INPP4B: variants seen among roughly 807,000 people sequenced by gnomAD.
The protein encoded by INPP4B is inositol polyphosphate 4-phosphatase type II.
INPP4B carries 55 observed loss-of-function variants against 122.5 expected under a neutral mutation model. The observed-to-expected ratio is 0.45, with a 90% CI of 0.36 to 0.56. INPP4B has a LOEUF of 0.56. Among genes scored for constraint, INPP4B ranks in the 20% least tolerant of loss-of-function variants. The probability of loss-of-function intolerance (pLI) is 0.00; values close to 1 mark genes in which losing one functional copy is unlikely to be tolerated. For missense variants in INPP4B, 1,000 were observed against 1,097.7 expected (o/e 0.91, Z 1.26); for synonymous variants, 403 against 388.7 (o/e 1.04, Z -0.43).
At chr4:142,277,463 C>T (rs1749080268) in intron 9 of INPP4B, among the ~76,000 whole-genome samples, 1 of 151,808 alleles carries the variant, frequency 6.6e-6, no homozygotes, top group African/African-American at 2.4e-5. Context: ...AGTATAACCA[C>T]TATGGAAAAC....
chr4:142,568,255 C>G (rs749222043), intron 2 of INPP4B, among the ~76,000 whole-genome samples: 1 of 151,428 alleles, frequency 6.6e-6, no homozygotes, highest in Non-Finnish European at 1.5e-5. Context: ...TCGTTTCTTT[C>G]GTTTTCAAGG....
intron 2 of INPP4B, among the ~76,000 whole-genome samples, chr4:142,557,976 T>C (rs1035580042): frequency 3.9e-5 from 6 of 152,228 alleles, no homozygotes; most frequent in Non-Finnish European, 8.8e-5. Flanking sequence ...CTAAACTCTG[T>C]TTTGACCTCA....
chr4:142,317,523 G>T, intron 7 of INPP4B: 2 of 239,222 alleles, frequency 8.4e-6, no homozygotes, highest in Admixed American at 4.2e-5. Context: ...TGTCCTGGTT[G>T]TCCCTCCACT....
chr4:142,407,525 A>G lies in INPP4B; in HGVS notation c.137-2201T>C, dbSNP rs1051331187. Among the ~76,000 whole-genome samples the G allele has an allele frequency of 2.0e-5, 3 of 152,252 alleles. No homozygotes were observed. The East Asian group carries it at 5.8e-4, about 29-fold the overall frequency. ...CTATTACACTGAAATGTTCTGTCCA[A>G]CCCAATTTGCACATTCCCTAATACT... On this transcript the variant is annotated intron_variant, in intron 5 of 25. Transcript: ENST00000262992.
chr4:142,578,147 T>C (rs557585510), intron 2 of INPP4B, among the ~76,000 whole-genome samples: 3 of 152,066 alleles, frequency 2.0e-5, no homozygotes, highest in Admixed American at 6.6e-5. Flanking sequence ...GTTTATTTTG[T>C]GAATGACACA....
intron 3 of INPP4B, among the ~76,000 whole-genome samples, chr4:142,457,373 A>G (rs1442191748): frequency 6.6e-6 from 1 of 152,162 alleles, no homozygotes; most frequent in Non-Finnish European, 1.5e-5. Flanking sequence ...AATATCTGCA[A>G]AACTTATATG....
At chr4:142,631,038 C>T (rs1305563531) in intron 2 of INPP4B, among the ~76,000 whole-genome samples, 1 of 151,958 alleles carries the variant, frequency 6.6e-6, no homozygotes, top group African/African-American at 2.4e-5. Context: ...ATTATTTCTC[C>T]AATTAAAAAA....
intron 17 of INPP4B, among the ~76,000 whole-genome samples, chr4:142,149,608 G>A (rs1561293225): frequency 6.6e-6 from 1 of 152,286 alleles, no homozygotes; most frequent in South Asian, 2.1e-4. Context: ...AGAGGTGTGT[G>A]CCACTTTACA....
chr4:142,591,164 T>G (rs1737404270), intron 2 of INPP4B, among the ~76,000 whole-genome samples: 3 of 151,914 alleles, frequency 2.0e-5, no homozygotes, highest in African/African-American at 4.8e-5. Context: ...CCAGGTGTGG[T>G]GGCACACACC....
intron 1 of INPP4B, among the ~76,000 whole-genome samples, chr4:142,839,971 A>G (rs1375778876): frequency 6.6e-6 from 1 of 152,200 alleles, no homozygotes; most frequent in Non-Finnish European, 1.5e-5. Context: ...AGACACTTAA[A>G]CAATACAGAG....
At chr4:142,220,841 T>C (rs908074143) in intron 12 of INPP4B, among the ~76,000 whole-genome samples, 1 of 152,168 alleles carries the variant, frequency 6.6e-6, no homozygotes, top group Non-Finnish European at 1.5e-5. Context: ...ATGTCTTTCT[T>C]CTGAGTACAA....
intron 7 of INPP4B, among the ~76,000 whole-genome samples, chr4:142,352,525 T>C (rs1219906633): frequency 6.6e-6 from 1 of 151,542 alleles, no homozygotes; most frequent in African/African-American, 2.4e-5. Context: ...ACACCAAAAA[T>C]ATTCCCAACC....
chr4:142,362,349 T>G (rs1265936460), intron 7 of INPP4B, among the ~76,000 whole-genome samples: 1 of 151,888 alleles, frequency 6.6e-6, no homozygotes, highest in African/African-American at 2.4e-5. Context: ...TAAAGGTAAG[T>G]GTGCTTTAAC....
intron 2 of INPP4B, among the ~76,000 whole-genome samples, chr4:142,500,912 G>A (rs1191149185): frequency 6.6e-6 from 1 of 151,942 alleles, no homozygotes; most frequent in African/African-American, 2.4e-5. Flanking sequence ...TAAATACAAA[G>A]TTTCAGTTAT....
At chr4:142,827,625 C>T (rs1363392082) in intron 1 of INPP4B, among the ~76,000 whole-genome samples, 1 of 152,064 alleles carries the variant, frequency 6.6e-6, no homozygotes, top group Non-Finnish European at 1.5e-5. Context: ...AACTTAGAGT[C>T]AGAAATATAT....
chr4:142,227,733 C>G lies in INPP4B; in HGVS notation c.836+10131G>C, dbSNP rs577178951. On this transcript the variant is annotated intron_variant, in intron 12 of 25. Coordinates refer to ENST00000262992, the MANE Select transcript of INPP4B (RefSeq NM_001101669.3). Reference sequence around the variant, plus strand: ...ATTAGCTGGGCATGGTGGTGGGCACCTGTAATCCCAGCTAGCTGGGAGGCT... The same window carrying G: ...ATTAGCTGGGCATGGTGGTGGGCACGTGTAATCCCAGCTAGCTGGGAGGCT... Among the ~76,000 whole-genome samples, 341 of 151,110 alleles carry G rather than the reference C, an allele frequency of 2.3e-3. 4 individuals carry two copies. Among genetic ancestry groups the G allele is most frequent in the Non-Finnish European group, 5.3e-4 (36 of 67,758 alleles).
chr4:142,836,032 T>G (rs984238187), intron 1 of INPP4B, among the ~76,000 whole-genome samples: 9 of 152,158 alleles, frequency 5.9e-5, no homozygotes, highest in African/African-American at 1.7e-4. Flanking sequence ...GCAAAATCAC[T>G]GATGTCTAGC....
chr4:142,418,573 C>G (rs1339097514), intron 5 of INPP4B, among the ~76,000 whole-genome samples: 5 of 152,056 alleles, frequency 3.3e-5, no homozygotes, highest in African/African-American at 1.2e-4. Flanking sequence ...CAAATGTTCT[C>G]TGATGAGGTG....
intron 1 of INPP4B, among the ~76,000 whole-genome samples, chr4:142,835,817 T>C (rs1373000619): frequency 6.6e-6 from 1 of 152,194 alleles, no homozygotes; most frequent in Non-Finnish European, 1.5e-5. Context: ...GTAAATAAAA[T>C]AATTTAAGAG....
Sources: allele counts gnomAD v4.1 joint callset (sites outside exome capture counted in the v4.1 genomes callset), GRCh38; gene constraint gnomAD v4.1.1; transcripts MANE v1.5; gene names NCBI Gene and HGNC (gene_info 2026-07-23, HGNC 2026-07-21).